Variants in ANTXR2 observed in about 807,000 individuals in gnomAD.
ANTXR2 encodes ANTXR cell adhesion molecule 2.
In ANTXR2, 44 loss-of-function variants were observed where a neutral mutation model predicts 73.7. The observed-to-expected ratio is 0.60, with a 90% confidence interval of 0.47 to 0.77. ANTXR2 has a LOEUF of 0.77. Among genes scored for constraint, ANTXR2 ranks in the 30% least tolerant of loss-of-function variants. ANTXR2 has a pLI of 0.00. For synonymous variants in ANTXR2, 217 were observed against 205.9 expected (o/e 1.05, Z -0.46); for missense variants, 604 against 592.5 (o/e 1.02, Z -0.20).
intron 9 of ANTXR2, 99 bp downstream of exon 9, chr4:80,033,373 A>C: frequency 2.5e-6 from 2 of 809,634 alleles, no homozygotes; most frequent in Non-Finnish European, 3.9e-6. Flanking sequence ...TTAGATTAAA[A>C]AATATGTCAG....
At chr4:79,912,658 A>G (rs1262082158) in intron 16 of ANTXR2, among the ~76,000 whole-genome samples, 9 of 152,126 alleles carry the variant, frequency 5.9e-5, no homozygotes, top group African/African-American at 2.2e-4. Flanking sequence ...TCTTTGACTC[A>G]GTAATTTCAC....
intron 10 of ANTXR2, among the ~76,000 whole-genome samples, chr4:80,025,042 AAT>A (rs1282859590): frequency 6.6e-6 from 1 of 152,206 alleles, no homozygotes; most frequent in African/African-American, 2.4e-5. Flanking sequence ...CCATCATTAA[AAT>A]ATGTTTTTTC....
intron 12 of ANTXR2, among the ~76,000 whole-genome samples, chr4:80,004,661 T>C (rs917970679): frequency 6.6e-6 from 1 of 152,154 alleles, no homozygotes. Context: ...TTGGACTGCA[T>C]TTATGACCCA....
rs1726827921 is a variant in ANTXR2 at position 79,904,395 on chromosome 4, C to G, written c.*3034G>C. ...TAGATGACAGATGCTGCTCCCTAGT[C>G]AATGGAGGGTCTCAAATTTTACTCT... On this transcript the variant is annotated 3_prime_UTR_variant, in exon 17 of 17. Coordinates refer to ENST00000403729, the MANE Select transcript of ANTXR2 (RefSeq NM_058172.6). The G allele has an allele frequency of 6.6e-6, 1 of 151,996 alleles. No homozygotes were observed. Among genetic ancestry groups the G allele is most frequent in the South Asian group, 2.1e-4 (1 of 4,834 alleles). 9.4% of individuals were successfully genotyped at this position (151,996 alleles called of 1,614,324 possible). A position where few individuals can be genotyped will look rare whatever the true frequency, so the allele number is the denominator to read the frequency against.
At chr4:80,017,001 G>A (rs1731903730) in intron 11 of ANTXR2, among the ~76,000 whole-genome samples, 1 of 152,236 alleles carries the variant, frequency 6.6e-6, no homozygotes, top group African/African-American at 2.4e-5. Flanking sequence ...CACGTTTGCT[G>A]CTACTCGCAA....
intron 16 of ANTXR2, among the ~76,000 whole-genome samples, chr4:79,943,686 GTAAC>G (rs1297457770): frequency 1.4e-5 from 2 of 143,768 alleles, no homozygotes; most frequent in Non-Finnish European, 3.0e-5. Context: ...GTATACATAT[GTAAC>G]TAACCTGCAC....
chr4:79,998,057 C>T lies in ANTXR2; in HGVS notation c.1041+10464G>A, dbSNP rs145593719. Among the ~76,000 whole-genome samples, 699 of 151,958 alleles carry T rather than the reference C, an allele frequency of 4.6e-3. 3 individuals carry two copies. Among genetic ancestry groups the T allele is most frequent in the Non-Finnish European group, 7.2e-3 (490 of 67,894 alleles). On this transcript the variant is annotated intron_variant, in intron 12 of 16. Coordinates refer to ENST00000403729, the MANE Select transcript of ANTXR2 (RefSeq NM_058172.6). The stretch of plus-strand genomic sequence containing the variant: ...AGTACCTCAATAAAGGTACCAGGAG[C>T]CCTTCTCAACAATAAAAACAAGTGC...
At chr4:79,984,722 CAT>C in intron 13 of ANTXR2, 95 bp downstream of exon 13, 13 of 1,035,056 alleles carry the variant, frequency 1.3e-5, no homozygotes, top group Non-Finnish European at 1.8e-5. Context: ...ACATAGGTAT[CAT>C]AGTTATCTAA....
chr4:79,984,863 C>A lies in ANTXR2; in HGVS notation c.1042G>T (p.Val348Phe), dbSNP rs764063140. 4 of 1,597,976 alleles carry A rather than the reference C, an allele frequency of 2.5e-6. No individual in the cohort carries two copies. The highest frequency in any genetic ancestry group is 2.6e-6 in the Non-Finnish European group (3 of 1,172,092). Reference sequence around the variant, plus strand: ...GGTGGTGGTGGAGGATCCTTAATAACCTGTCAAAAAAAATCAAATATAAAA... The same window carrying A: ...GGTGGTGGTGGAGGATCCTTAATAAACTGTCAAAAAAAATCAAATATAAAA... ...WWFWPLCCKV[V>F]IKDPPPPPAP... The change falls in exon 13 of 17, where the codon GTT becomes TTT. Residue 348 changes from valine to phenylalanine, a missense_variant and splice_region_variant. Physicochemically the swap from Val to Phe is conservative, Grantham distance 50. Transcript: ENST00000403729.
chr4:80,034,370 C>A (rs981385733), intron 8 of ANTXR2, among the ~76,000 whole-genome samples: 1 of 152,044 alleles, frequency 6.6e-6, no homozygotes, highest in Non-Finnish European at 1.5e-5. Flanking sequence ...AATTGAAGCA[C>A]AAATAAAATT....
At chr4:79,935,956 C>A (rs933006631) in intron 16 of ANTXR2, among the ~76,000 whole-genome samples, 10 of 152,176 alleles carry the variant, frequency 6.6e-5, no homozygotes, top group African/African-American at 2.4e-4. Context: ...ACTCCGCTCC[C>A]AGTGGAATCT....
chr4:79,964,015 C>T (rs1481801562), intron 16 of ANTXR2, among the ~76,000 whole-genome samples: 2 of 152,170 alleles, frequency 1.3e-5, no homozygotes, highest in African/African-American at 2.4e-5. Flanking sequence ...TAAAAAATTA[C>T]ATCCATCGGC....
chr4:79,964,697 T>G (rs1729284540), intron 16 of ANTXR2: 1 of 152,138 alleles, frequency 6.6e-6, no homozygotes, highest in African/African-American at 2.4e-5. Context: ...GCAGCGAGAG[T>G]GAGACCAAAA....
intron 9 of ANTXR2, 44 bp downstream of exon 9, chr4:80,033,428 G>A (rs745411390): frequency 1.4e-6 from 2 of 1,427,336 alleles, no homozygotes; most frequent in Admixed American, 2.2e-5. Context: ...ATGCTGATGT[G>A]CTTTGCAGAG....
intron 14 of ANTXR2, among the ~76,000 whole-genome samples, chr4:79,982,752 G>A (rs564295405): frequency 6.6e-6 from 1 of 152,218 alleles, no homozygotes; most frequent in African/African-American, 2.4e-5. Context: ...CTGCCTCAGA[G>A]GATATTTCAA....
chr4:79,911,387 C>T (rs886154146), intron 16 of ANTXR2, among the ~76,000 whole-genome samples: 11 of 151,752 alleles, frequency 7.2e-5, no homozygotes, highest in Admixed American at 4.6e-4. Flanking sequence ...ACAAATAATA[C>T]GAGTGCTAAA....
chr4:80,069,058 T>C (rs547153101), intron 3 of ANTXR2, among the ~76,000 whole-genome samples: 25 of 152,282 alleles, frequency 1.6e-4, no homozygotes, highest in African/African-American at 5.8e-4. Context: ...TAGGAAATTA[T>C]CCAAAAGGAT....
intron 14 of ANTXR2, 69 bp downstream of exon 14, chr4:79,983,809 C>A: frequency 1.6e-6 from 2 of 1,213,322 alleles, no homozygotes; most frequent in Non-Finnish European, 2.4e-6. Context: ...AAAGTAGTTT[C>A]TATGGCTTAA....
chr4:80,067,299 T>C (rs758338285), intron 3 of ANTXR2, among the ~76,000 whole-genome samples: 2 of 152,132 alleles, frequency 1.3e-5, no homozygotes, highest in Non-Finnish European at 2.9e-5. Context: ...GAAGAATCAC[T>C]AACGTGGGTT....
Sources: gnomAD v4.1 joint callset for allele counts (sites outside exome capture counted in the v4.1 genomes callset) on GRCh38, gnomAD v4.1.1 for gene constraint, MANE v1.5 for transcripts, NCBI Gene and HGNC (gene_info 2026-07-23, HGNC 2026-07-21) for gene names.